Variants in SORCS1 observed in about 807,000 individuals in gnomAD.
SORCS1 encodes the protein sortilin related VPS10 domain containing receptor 1, also known as VPS10 domain-containing receptor SorCS1.
SORCS1 carries 60 observed loss-of-function variants against 146.1 expected under a neutral mutation model. The ratio of observed to expected loss-of-function variants is 0.41; its 90% CI spans 0.33 to 0.51. The LOEUF (loss-of-function observed/expected upper bound fraction) is 0.51, where lower values mean the gene tolerates loss of function less well. Ranked by LOEUF, SORCS1 falls within the 20% of genes least tolerant of loss-of-function variation. The pLI is 0.21. For missense variants in SORCS1, 1,352 were observed against 1,487.6 expected, an observed-to-expected ratio of 0.91 and a Z score of 1.50; for synonymous variants, 637 against 584.0, an observed-to-expected ratio of 1.09 and a Z score of -1.31.
chr10:106,923,784 G>C (rs1280800176), intron 2 of SORCS1, among the ~76,000 whole-genome samples: 1 of 152,042 alleles, frequency 6.6e-6, no homozygotes, highest in East Asian at 1.9e-4. Context: ...CAGATCTTTT[G>C]CCCGTTTTTG....
intron 10 of SORCS1, among the ~76,000 whole-genome samples, chr10:106,680,720 C>T (rs1038294980): frequency 6.6e-6 from 1 of 152,156 alleles, no homozygotes; most frequent in African/African-American, 2.4e-5. Context: ...TTTGAGCCCA[C>T]ATTTCTTTTC....
At chr10:107,095,258 C>T (rs746277240) in intron 1 of SORCS1, among the ~76,000 whole-genome samples, 3 of 152,150 alleles carry the variant, frequency 2.0e-5, no homozygotes, top group Non-Finnish European at 4.4e-5. Context: ...ATAACACAGA[C>T]AAGGAAACAG....
In SORCS1 at chr10:106,641,132, G is replaced by T. The variant is rs188156898; in HGVS notation, c.2475+11250C>A. On this transcript the variant is annotated intron_variant, in intron 18 of 25. Transcript: ENST00000263054. ...CTAAAAGCAGCAGGAAATGAGGCAGGTGGTATTGATGACATTGGAATTTTT... is the reference window on the plus strand; with the variant it reads ...CTAAAAGCAGCAGGAAATGAGGCAGTTGGTATTGATGACATTGGAATTTTT... 3.4e-3 allele frequency among the ~76,000 whole-genome samples: 518 copies of T among 152,278 alleles called. 4 individuals are homozygous for T. The highest frequency in any genetic ancestry group is 4.0e-3 in the Non-Finnish European group (272 of 68,026).
At chr10:106,749,608 T>C (rs770372239) in intron 5 of SORCS1, among the ~76,000 whole-genome samples, 1 of 152,178 alleles carries the variant, frequency 6.6e-6, no homozygotes, top group Non-Finnish European at 1.5e-5. Flanking sequence ...TGATTTTCTA[T>C]CCACTGTTCC....
At chr10:106,928,022 T>G (rs2138540830) in intron 2 of SORCS1, among the ~76,000 whole-genome samples, 2 of 152,358 alleles carry the variant, frequency 1.3e-5, no homozygotes, top group Admixed American at 1.3e-4. Flanking sequence ...CTCACCAGAC[T>G]CAGGAGCCCA....
chr10:107,168,112 C>T (rs578049023), upstream of SORCS1, among the ~76,000 whole-genome samples: 2 of 152,340 alleles, frequency 1.3e-5, no homozygotes, highest in South Asian at 2.1e-4. Context: ...TACCCTCATC[C>T]TAATACGCCA....
intron 1 of SORCS1, among the ~76,000 whole-genome samples, chr10:107,125,547 A>G (rs1839187543): frequency 6.6e-6 from 1 of 152,224 alleles, no homozygotes; most frequent in Admixed American, 6.5e-5. Flanking sequence ...TACAGAAGAC[A>G]TTGCTTAACG....
At chr10:106,589,654 A>G (rs918345139) in intron 24 of SORCS1, among the ~76,000 whole-genome samples, 2 of 150,020 alleles carry the variant, frequency 1.3e-5, no homozygotes, top group Non-Finnish European at 3.0e-5. Context: ...GTTTGATGAC[A>G]TCCAACCCAA....
At chr10:107,164,726 G>C (rs1235364211), upstream of SORCS1, among the ~76,000 whole-genome samples, 2 of 148,624 alleles carry the variant, frequency 1.3e-5, no homozygotes, top group East Asian at 2.0e-4. This position sits in a 1 kb window ranked among gnomAD's most constrained non-coding sequence, Gnocchi z 6.8. Flanking sequence ...GGGTCCGGAC[G>C]GAGCGAGCCG....
At chr10:106,889,734 C>A (rs1589640059) in intron 2 of SORCS1, among the ~76,000 whole-genome samples, 2 of 152,028 alleles carry the variant, frequency 1.3e-5, no homozygotes, top group East Asian at 3.9e-4. Flanking sequence ...CCTGTCTCTA[C>A]TAAAAGTACA....
At chr10:106,690,294 C>G (rs1444567070) in intron 9 of SORCS1, among the ~76,000 whole-genome samples, 2 of 152,212 alleles carry the variant, frequency 1.3e-5, no homozygotes, top group Non-Finnish European at 1.5e-5. Flanking sequence ...CAGAATTTCA[C>G]AAAGTCATAC....
intron 1 of SORCS1, among the ~76,000 whole-genome samples, chr10:107,042,281 T>C (rs1409569470): frequency 1.3e-5 from 2 of 152,188 alleles, no homozygotes; most frequent in East Asian, 3.8e-4. Flanking sequence ...ACAAGAACTA[T>C]GGAATGACAA....
chr10:106,909,381 TGACAGA>T (rs1952044210), intron 2 of SORCS1, among the ~76,000 whole-genome samples: 2 of 129,382 alleles, frequency 1.5e-5, no homozygotes, highest in African/African-American at 5.3e-5. Flanking sequence ...AGAATACAAA[TGACAGA>T]GAGAGAGAGA....
intron 2 of SORCS1, among the ~76,000 whole-genome samples, chr10:106,950,801 T>C (rs1468659468): frequency 1.3e-5 from 2 of 152,144 alleles, no homozygotes; most frequent in Admixed American, 6.5e-5. Flanking sequence ...TTGCTAATTG[T>C]GCGACCTTGG....
At chr10:106,871,583 C>A (rs1381826240) in intron 2 of SORCS1, among the ~76,000 whole-genome samples, 8 of 152,130 alleles carry the variant, frequency 5.3e-5, no homozygotes, top group Non-Finnish European at 7.4e-5. Flanking sequence ...AAGATCATGT[C>A]TTTTAGGGGA....
At chr10:107,050,781 A>G (rs941751834) in intron 1 of SORCS1, among the ~76,000 whole-genome samples, 1 of 152,112 alleles carries the variant, frequency 6.6e-6, no homozygotes, top group African/African-American at 2.4e-5. Context: ...TTAAGTATAT[A>G]TATGGTTTTG....
intron 2 of SORCS1, among the ~76,000 whole-genome samples, chr10:106,895,860 A>G (rs1256327925): frequency 2.6e-5 from 4 of 152,196 alleles, no homozygotes; most frequent in African/African-American, 9.6e-5. Context: ...ATAGCCAACA[A>G]TAGCAACTCA....
intron 5 of SORCS1, among the ~76,000 whole-genome samples, chr10:106,739,970 A>T (rs1857251847): frequency 6.6e-6 from 1 of 151,850 alleles, no homozygotes; most frequent in Non-Finnish European, 1.5e-5. Flanking sequence ...AAAAAAAAGA[A>T]AATTTAAACC....
intron 1 of SORCS1, among the ~76,000 whole-genome samples, chr10:106,989,251 C>A: frequency 8.6e-6 from 1 of 116,638 alleles, no homozygotes; most frequent in African/African-American, 3.4e-5. Context: ...GCCTGGGTGT[C>A]AGTGAAAGGC....
Sources: allele counts gnomAD v4.1 joint callset (sites outside exome capture counted in the v4.1 genomes callset), GRCh38; gene constraint gnomAD v4.1.1; non-coding constraint Gnocchi (gnomAD v3.1); transcripts MANE v1.5; gene names NCBI Gene and HGNC (gene_info 2026-07-23, HGNC 2026-07-21).